Variants in COQ3 observed in about 807,000 individuals in gnomAD.
COQ3 encodes ubiquinone biosynthesis O-methyltransferase, mitochondrial.
In COQ3, 29 loss-of-function variants were observed where a neutral mutation model predicts 33.1. The ratio of observed to expected loss-of-function variants is 0.88; its 90% confidence interval spans 0.65 to 1.19. COQ3 has a LOEUF of 1.19. Among genes scored for constraint, COQ3 ranks in the 50% most tolerant of loss-of-function variants. The pLI is 0.00. For synonymous variants in COQ3, 173 were observed against 157.8 expected, an observed-to-expected ratio of 1.10 and a Z score of -0.72; for missense variants, 437 against 430.7, an observed-to-expected ratio of 1.01 and a Z score of -0.13.
intron 3 of COQ3, among the ~76,000 whole-genome samples, chr6:99,379,017 A>G (rs1055674882): frequency 8.3e-6 from 1 of 120,712 alleles, no homozygotes; most frequent in Non-Finnish European, 1.8e-5. Context: ...ATTTTATTTT[A>G]TTTTATTATT....
chr6:99,380,202 C>A lies in COQ3; in HGVS notation c.373G>T (p.Val125Leu). Residue 125 changes from valine (V) to leucine (L), a missense_variant, in exon 3 of 7, where the codon GTG becomes TTG. Val to Leu is a conservative substitution (Grantham distance 32). Transcript: ENST00000254759. ...APLHSMNDLR[V>L]PFIRDNLLKT... ...CTGGAGTGTTACCTAATAAATGGCA[C>A]CCTCAGGTCATTCATGGAATGAAGA... is the stretch of plus-strand genomic sequence containing the variant. The A allele has an allele frequency of 6.2e-7, 1 of 1,613,758 alleles. No homozygotes were observed. The highest frequency in any genetic ancestry group is 8.5e-7 in the Non-Finnish European group (1 of 1,179,826).
At chr6:99,372,830 G>GA (rs200741567) in intron 5 of COQ3, among the ~76,000 whole-genome samples, 2 of 152,032 alleles carry the variant, frequency 1.3e-5, no homozygotes, top group Non-Finnish European at 2.9e-5. Flanking sequence ...CCTGATGAGG[G>GA]AAAAATGCCA....
chr6:99,372,793 C>A (rs1157076015), intron 5 of COQ3, among the ~76,000 whole-genome samples: 3 of 152,010 alleles, frequency 2.0e-5, no homozygotes, highest in African/African-American at 7.2e-5. Context: ...ATTAATGTCC[C>A]CTCTCTCTTT....
In COQ3 at chr6:99,373,887, G is replaced by A. The variant is rs148671463; in HGVS notation, c.729+2053C>T. ...TAGCTAGATATGGTGGCATGCACCTGTGGTCCCAGCTACTTGGGAGGCTGA... is the reference window on the plus strand; with the variant it reads ...TAGCTAGATATGGTGGCATGCACCTATGGTCCCAGCTACTTGGGAGGCTGA... On this transcript the variant is annotated intron_variant, in intron 5 of 6. Transcript: ENST00000254759. Among the ~76,000 whole-genome samples the A allele has an allele frequency of 4.9e-3, 750 of 152,150 alleles. 8 individuals carry two copies. The highest frequency in any genetic ancestry group is 0.017 in the African/African-American group (709 of 41,544).
intron 5 of COQ3, among the ~76,000 whole-genome samples, chr6:99,373,919 A>G (rs1320497936): frequency 2.0e-5 from 3 of 152,082 alleles, no homozygotes; most frequent in African/African-American, 7.2e-5. Flanking sequence ...CTGAGATGGG[A>G]GCATGGCTTG....
At chr6:99,370,052 G>A (rs9483838) in intron 6 of COQ3, among the ~76,000 whole-genome samples, 59,002 of 151,994 alleles carry the variant, frequency 0.39, 11,856 homozygotes, top group South Asian at 0.57. Flanking sequence ...ATACTCCAAC[G>A]CAGTCTGCCT....
chr6:99,381,752 C>T (rs532180750), intron 2 of COQ3, among the ~76,000 whole-genome samples: 2 of 152,042 alleles, frequency 1.3e-5, no homozygotes, highest in East Asian at 3.9e-4. Flanking sequence ...ATGGTGAAAC[C>T]CAGTCTCTAC....
intron 5 of COQ3, 68 bp downstream of exon 5, chr6:99,375,872 T>C: frequency 6.4e-7 from 1 of 1,562,532 alleles, no homozygotes. Flanking sequence ...ATGGACCATT[T>C]TATTGCTATA....
Position 99,375,364 on chromosome 6 carries a change from C to T in COQ3, c.729+576G>A, listed in dbSNP as rs74297638. ...TACTGCTATAAGTGTATGGTTTTCC[C>T]GTGTTCAGCACCAATATTTTTCTTT... On this transcript the variant is annotated intron_variant, in intron 5 of 6. Transcript: ENST00000254759. Among the ~76,000 whole-genome samples the T allele has an allele frequency of 1.9e-3, 293 of 151,498 alleles. 4 individuals are homozygous for T. The East Asian group carries it at 0.049, about 25-fold the overall frequency.
At chr6:99,377,961 T>A (rs1266173316) in intron 3 of COQ3, among the ~76,000 whole-genome samples, 2 of 151,538 alleles carry the variant, frequency 1.3e-5, no homozygotes, top group African/African-American at 4.8e-5. Context: ...GAGTGGTGTT[T>A]TCATGTATGA....
At chr6:99,379,788 G>C (rs1163677805) in intron 3 of COQ3, among the ~76,000 whole-genome samples, 1 of 152,012 alleles carries the variant, frequency 6.6e-6, no homozygotes, top group East Asian at 1.9e-4. Context: ...CCAGGAGGTG[G>C]AGGTTGGAGT....
chr6:99,374,141 A>T (rs1174939868), intron 5 of COQ3, among the ~76,000 whole-genome samples: 1 of 151,614 alleles, frequency 6.6e-6, no homozygotes, highest in Non-Finnish European at 1.5e-5. Context: ...AAAAAAAAAA[A>T]AATTAATAAA....
At chr6:99,373,469 T>C (rs1774197026) in intron 5 of COQ3, among the ~76,000 whole-genome samples, 1 of 151,626 alleles carries the variant, frequency 6.6e-6, no homozygotes, top group Non-Finnish European at 1.5e-5. Context: ...ATATCTAATC[T>C]GTGTTCTACA....
rs572217067 is a variant in COQ3, at chr6:99,376,777, C to T, written c.487-595G>A. 2.9e-4 allele frequency among the ~76,000 whole-genome samples: 44 copies of T among 151,978 alleles called. 1 individual carries two copies. Among genetic ancestry groups the T allele is most frequent in the Admixed American group, 1.4e-3 (21 of 15,272 alleles). On this transcript the variant is annotated intron_variant, in intron 4 of 6. Transcript: ENST00000254759. ...CCTGAGGTCAGGAGTTCAAGACCAA[C>T]CTGGCCAACATGGTGAAACCCTGTC...
chr6:99,369,692 C>CT lies in COQ3; in HGVS notation c.1017dup (p.Ala340SerfsTer4). 4 of 1,613,996 alleles carry CT rather than the reference C, an allele frequency of 2.5e-6. No individual in the cohort carries two copies. The highest frequency in any genetic ancestry group is 2.5e-6 in the Non-Finnish European group (3 of 1,179,952). ...CCCTTTAAAACAAACTCAGCAGAGG[C>CT]TGGGTGTTCCTGGACCCTGGATTTC... On this transcript the variant is annotated frameshift_variant, in exon 7 of 7. Transcript: ENST00000254759. LOFTEE classifies it low-confidence loss of function (END_TRUNC).
intron 2 of COQ3, among the ~76,000 whole-genome samples, chr6:99,381,620 G>T (rs775732453): frequency 6.6e-6 from 1 of 152,156 alleles, no homozygotes; most frequent in Non-Finnish European, 1.5e-5. Flanking sequence ...TCAATGGAAT[G>T]TTATCTAAGA....
chr6:99,377,535 A>G (rs767284896), intron 3 of COQ3, 50 bp from the exon 4 acceptor site: 1 of 1,322,604 alleles, frequency 7.6e-7, no homozygotes, highest in Admixed American at 2.0e-5. Context: ...AATTTTATCA[A>G]CGAAAAGTCA....
At chr6:99,370,414 T>C (rs1774105719) in intron 6 of COQ3, among the ~76,000 whole-genome samples, 1 of 136,620 alleles carries the variant, frequency 7.3e-6, no homozygotes, top group Admixed American at 8.7e-5. Context: ...AGTGGCACAA[T>C]CTTGACTCAC....
intron 1 of COQ3, among the ~76,000 whole-genome samples, chr6:99,386,344 T>C (rs9321514): frequency 0.48 from 72,403 of 151,748 alleles, 17,928 homozygotes; most frequent in East Asian, 0.79. Context: ...GCACAAGAAT[T>C]GCTTGAACCT....
Sources: allele counts gnomAD v4.1 joint callset (sites outside exome capture counted in the v4.1 genomes callset), GRCh38; gene constraint gnomAD v4.1.1; transcripts MANE v1.5; gene names NCBI Gene and HGNC (gene_info 2026-07-23, HGNC 2026-07-21).